LRRC37A2: variants seen among roughly 807,000 people sequenced by gnomAD.
The protein encoded by LRRC37A2 is leucine rich repeat containing 37 member A2.
Under a neutral mutation model 68.8 loss-of-function variants are expected in LRRC37A2, and 9 were observed. That is an observed-to-expected ratio of 0.13 (90% CI 0.08 to 0.23). LRRC37A2 has a LOEUF of 0.23. Ranked by LOEUF, LRRC37A2 falls within the 10% of genes least tolerant of loss-of-function variation. The pLI is 1.00. For missense variants in LRRC37A2, 168 were observed against 950.4 expected (o/e 0.18, Z 10.82); for synonymous variants, 63 against 367.6 (o/e 0.17, Z 9.48).
the LRRC37A2 span, chr17:47,021,755 T>C: frequency 1.9e-4 from 167 of 892,944 alleles, no homozygotes; most frequent in African/African-American, 2.6e-3. Context: ...ATTTTCTGTT[T>C]CTGAATATCC....
the LRRC37A2 span, among the ~76,000 whole-genome samples, chr17:46,610,007 C>CTCTT: frequency 0.26 from 28,970 of 112,164 alleles, 1,076 homozygotes; most frequent in East Asian, 0.41. Flanking sequence ...CTTTCTTTCT[C>CTCTT]TCTTTCTTTC....
chr17:47,025,872 G>A, the LRRC37A2 span, among the ~76,000 whole-genome samples: 2 of 118,194 alleles, frequency 1.7e-5, no homozygotes, highest in Non-Finnish European at 3.5e-5. Context: ...CTTTAAAATA[G>A]TTATTTTCCT....
At chr17:46,525,292 TC>T (rs2052546504) in intron 6 of LRRC37A2, among the ~76,000 whole-genome samples, 1 of 85,288 alleles carries the variant, frequency 1.2e-5, no homozygotes, top group Admixed American at 1.1e-4. Flanking sequence ...CAACTGGGAG[TC>T]CCTCATAAAA....
At chr17:47,045,114 C>G in the LRRC37A2 span, among the ~76,000 whole-genome samples, 4 of 127,650 alleles carry the variant, frequency 3.1e-5, no homozygotes, top group Non-Finnish European at 5.1e-5. Flanking sequence ...CAGAGGCTTC[C>G]ACTGGACCCA....
At chr17:46,898,659 C>T in the LRRC37A2 span, among the ~76,000 whole-genome samples, 1 of 152,218 alleles carries the variant, frequency 6.6e-6, no homozygotes, top group African/African-American at 2.4e-5. Flanking sequence ...TGATTCTTGC[C>T]TTGGGAATCC....
At chr17:46,808,681 C>A in the LRRC37A2 span, among the ~76,000 whole-genome samples, 2 of 152,188 alleles carry the variant, frequency 1.3e-5, no homozygotes, top group Non-Finnish European at 2.9e-5. Flanking sequence ...GATAGAGAAA[C>A]AACTTCTGCC....
chr17:46,679,629 T>G, the LRRC37A2 span, among the ~76,000 whole-genome samples: 1 of 139,550 alleles, frequency 7.2e-6, no homozygotes, highest in Non-Finnish European at 1.5e-5. Flanking sequence ...GAGGCGGAGA[T>G]TGCAGTGAGC....
chr17:46,703,705 CAAAA>C, the LRRC37A2 span, among the ~76,000 whole-genome samples: 2 of 115,540 alleles, frequency 1.7e-5, no homozygotes, highest in Admixed American at 8.4e-5. Context: ...AAAAAAAAAA[CAAAA>C]AACAGAAAAC....
chr17:46,534,256 G>A (rs1330779277), intron 6 of LRRC37A2, among the ~76,000 whole-genome samples: 1 of 144,510 alleles, frequency 6.9e-6, no homozygotes, highest in African/African-American at 2.8e-5. Context: ...GGGGGATTTG[G>A]CAGGGTCATA....
chr17:46,721,169 G>A, the LRRC37A2 span, among the ~76,000 whole-genome samples: 1 of 152,202 alleles, frequency 6.6e-6, no homozygotes, highest in Non-Finnish European at 1.5e-5. Context: ...CTTAAGCCCA[G>A]GCTCCCCACA....
chr17:47,029,079 G>A, the LRRC37A2 span, among the ~76,000 whole-genome samples: 1 of 152,102 alleles, frequency 6.6e-6, no homozygotes, highest in African/African-American at 2.4e-5. Context: ...TCAGGAGGCT[G>A]AGGCACGAGA....
the LRRC37A2 span, among the ~76,000 whole-genome samples, chr17:46,810,701 A>G: frequency 6.6e-6 from 1 of 150,912 alleles, no homozygotes; most frequent in African/African-American, 2.4e-5. Context: ...CACCCCCTCC[A>G]CCAGGCACAG....
the LRRC37A2 span, chr17:46,773,623 T>A: frequency 2.6e-6 from 1 of 383,490 alleles, no homozygotes; most frequent in Non-Finnish European, 5.2e-6. Context: ...TCCTGATCCC[T>A]CCCCCCACCC....
the LRRC37A2 span, among the ~76,000 whole-genome samples, chr17:46,890,484 CAGGACCCTCG>C: frequency 6.6e-6 from 1 of 152,152 alleles, no homozygotes; most frequent in Non-Finnish European, 1.5e-5. Context: ...CTTGGCATCC[CAGGACCCTCG>C]AGGTAGACTC....
chr17:46,903,707 A>T, the LRRC37A2 span, among the ~76,000 whole-genome samples: 11 of 137,920 alleles, frequency 8.0e-5, 1 homozygote, highest in Non-Finnish European at 1.7e-4. Context: ...GGCTTAATGG[A>T]TGTATGGGTG....
chr17:47,020,344 A>T, the LRRC37A2 span, among the ~76,000 whole-genome samples: 1 of 149,008 alleles, frequency 6.7e-6, no homozygotes, highest in Non-Finnish European at 1.5e-5. Flanking sequence ...TAGCATATGT[A>T]GGAGAGTTGG....
the LRRC37A2 span, among the ~76,000 whole-genome samples, chr17:46,803,074 C>A: frequency 6.6e-6 from 1 of 152,192 alleles, no homozygotes; most frequent in Non-Finnish European, 1.5e-5. Context: ...AGGTGGAGAT[C>A]ATCAGAATTG....
At chr17:46,720,500 A>G in the LRRC37A2 span, among the ~76,000 whole-genome samples, 2 of 152,212 alleles carry the variant, frequency 1.3e-5, no homozygotes, top group Admixed American at 6.5e-5. Flanking sequence ...AGCTTTGCCA[A>G]AAGTTTAGGT....
chr17:47,000,328 G>A, the LRRC37A2 span, among the ~76,000 whole-genome samples: 1 of 150,666 alleles, frequency 6.6e-6, no homozygotes, highest in Non-Finnish European at 1.5e-5. Context: ...TCCACCTCCC[G>A]GGTTTCAGCG....
Sources: gnomAD v4.1 joint callset for allele counts (sites outside exome capture counted in the v4.1 genomes callset) on GRCh38, gnomAD v4.1.1 for gene constraint, MANE v1.5 for transcripts, NCBI Gene and HGNC (gene_info 2026-07-23, HGNC 2026-07-21) for gene names.